Variants in ZBTB49 observed in about 807,000 individuals in gnomAD.
The protein encoded by ZBTB49 is zinc finger and BTB domain containing 49, also known as zinc finger and BTB domain-containing protein 49.
A neutral mutation model predicts 57.5 loss-of-function variants in ZBTB49; 43 were observed. The ratio of observed to expected loss-of-function variants is 0.75; its 90% CI spans 0.59 to 0.97. ZBTB49 has a LOEUF of 0.97. Ranked by LOEUF, ZBTB49 falls within the 50% of genes least tolerant of loss-of-function variation. The pLI is 0.00. For synonymous variants in ZBTB49, 369 were observed against 362.1 expected, an observed-to-expected ratio of 1.02 and a Z score of -0.22; for missense variants, 938 against 947.7, an observed-to-expected ratio of 0.99 and a Z score of 0.13.
chr4:4,315,520 C>A, intron 5 of ZBTB49, 116 bp from the exon 6 acceptor site: 1 of 982,760 alleles, frequency 1.0e-6, no homozygotes, highest in South Asian at 1.6e-5. Flanking sequence ...GTCCAGTTCA[C>A]GTTCCTTTCT....
At chr4:4,291,522 C>A (rs1226818672) in intron 1 of ZBTB49, among the ~76,000 whole-genome samples, 2 of 152,170 alleles carry the variant, frequency 1.3e-5, no homozygotes, top group East Asian at 3.9e-4. Context: ...AGAAGGAATT[C>A]ACAGAAATGG....
chr4:4,312,703 G>A (rs1721024525), intron 4 of ZBTB49, among the ~76,000 whole-genome samples: 1 of 152,156 alleles, frequency 6.6e-6, no homozygotes, highest in Non-Finnish European at 1.5e-5. Flanking sequence ...AATACATCAA[G>A]GCCTATTTAA....
chr4:4,321,272 C>G lies in ZBTB49; in HGVS notation c.2254C>G (p.Leu752Val), dbSNP rs1045188854. ...QFFSSMTLWG[L>V]AMKTLQNENE... is the part of the protein sequence containing the mutation. Reference sequence around the variant, plus strand: ...TTTCTCCAGCATGACTCTCTGGGGGCTAGCGATGAAGACGCTGCAGAATGA... The same window carrying G: ...TTTCTCCAGCATGACTCTCTGGGGGGTAGCGATGAAGACGCTGCAGAATGA... Residue 752 changes from leucine (L) to valine (V), a missense_variant, in exon 8 of 8, where the codon CTA becomes GTA. Physicochemically the swap from Leu to Val is conservative, Grantham distance 32. Around this residue, in one of 3 missense-constraint regions of ZBTB49, gnomAD observed 835 missense variants for 819.1 expected, o/e 1.02. Transcript: ENST00000337872. 6.2e-7 allele frequency: 1 copy of G among 1,613,670 alleles called. No individual in the cohort carries two copies. The highest frequency in any genetic ancestry group is 8.5e-7 in the Non-Finnish European group (1 of 1,180,046).
At chr4:4,318,413 T>C (rs1192085257) in intron 7 of ZBTB49, among the ~76,000 whole-genome samples, 1 of 152,128 alleles carries the variant, frequency 6.6e-6, no homozygotes, top group Non-Finnish European at 1.5e-5. Flanking sequence ...GTCAGGAGTT[T>C]GAGACCAGCC....
rs757312029 is a variant in ZBTB49 at position 4,301,995 on chromosome 4, C to G, written c.159C>G (p.Leu53=). ...LAAFSQYFRS[L]FQNSSSQKND... ...ATATTCTTTCTTTTACCAGGAGCCT[C>G]TTTCAGAATTCTTCAAGCCAGAAGA... The change falls in exon 3 of 8, where the codon CTC becomes CTG. Residue 53 remains leucine (L), a synonymous_variant. Coordinates refer to ENST00000337872, the MANE Select transcript of ZBTB49 (RefSeq NM_145291.4). The G allele has an allele frequency of 2.0e-6, 3 of 1,527,696 alleles. No homozygotes were observed. Among genetic ancestry groups the G allele is most frequent in the Non-Finnish European group, 1.8e-6 (2 of 1,137,584 alleles). The allele number at this position is 1,527,696 out of a possible 1,614,324, so 94.6% of individuals were successfully genotyped here. A position where few individuals can be genotyped will look rare whatever the true frequency, so the allele number is the denominator to read the frequency against.
chr4:4,317,016 A>G (rs1195918038), intron 7 of ZBTB49, among the ~76,000 whole-genome samples: 1 of 152,330 alleles, frequency 6.6e-6, no homozygotes, highest in Non-Finnish European at 1.5e-5. Flanking sequence ...GGTGACAGCG[A>G]GAGCTTCATC....
At chr4:4,298,838 G>T (rs1193392278) in intron 1 of ZBTB49, among the ~76,000 whole-genome samples, 1 of 152,138 alleles carries the variant, frequency 6.6e-6, no homozygotes, top group African/African-American at 2.4e-5. Context: ...ATCCAAGACC[G>T]TGGCTTACTG....
chr4:4,315,767 G>C, intron 6 of ZBTB49, 42 bp from the exon 7 acceptor site: 1 of 1,613,846 alleles, frequency 6.2e-7, no homozygotes, highest in Non-Finnish European at 8.5e-7. Context: ...TGATTAAAAT[G>C]TTCTCTGTCC....
chr4:4,297,903 G>T (rs1720289614), intron 1 of ZBTB49, among the ~76,000 whole-genome samples: 1 of 152,184 alleles, frequency 6.6e-6, no homozygotes, highest in Non-Finnish European at 1.5e-5. Context: ...AGAGGAGAGC[G>T]CAGGCAGAGA....
At position 4,302,774 on chromosome 4, in the gene ZBTB49, A is replaced by G. The variant is rs569334214; in HGVS notation, c.938A>G (p.Asn313Ser). 4.3e-6 allele frequency: 7 copies of G among 1,614,150 alleles called. No homozygotes were observed. The East Asian group carries it at 8.9e-5, about 21-fold the overall frequency. The change falls in exon 3 of 8, where the codon AAT (asparagine) becomes AGT (serine). Residue 313 changes from asparagine to serine, a missense_variant. Physicochemically the swap from Asn to Ser is conservative, Grantham distance 46. Around this residue, in one of 3 missense-constraint regions of ZBTB49, gnomAD observed 835 missense variants for 819.1 expected, o/e 1.02. Coordinates refer to ENST00000337872, the MANE Select transcript of ZBTB49 (RefSeq NM_145291.4). Reference sequence around the variant, plus strand: ...AAGGCCATTCATCTGAAGAAGCTCAATTTCCTGAAGTCACAGAAATACGCA... The same window carrying G: ...AAGGCCATTCATCTGAAGAAGCTCAGTTTCCTGAAGTCACAGAAATACGCA... The part of the protein sequence containing the change: ...LKKAIHLKKL[N>S]FLKSQKYAEQ...
Position 4,302,838 on chromosome 4 carries a change from A to G in ZBTB49, c.1002A>G (p.Thr334=), listed in dbSNP as rs1239845856. 6 of 1,613,812 alleles carry G rather than the reference A, an allele frequency of 3.7e-6. No individual in the cohort carries two copies. In the East Asian group the frequency reaches 1.1e-4, roughly 30 times the overall value. The part of the protein sequence containing the change: ...VSEPKSDDGL[T]KRLESASKNT... Reference sequence around the variant, plus strand: ...AACCCAAGTCAGATGATGGTTTGACAAAGAGGTTGGAATCTGCTAGTAAAA... The same window carrying G: ...AACCCAAGTCAGATGATGGTTTGACGAAGAGGTTGGAATCTGCTAGTAAAA... Residue 334 remains threonine, a synonymous_variant, in exon 3 of 8, where the codon ACA becomes ACG. Transcript: ENST00000337872.
chr4:4,306,125 T>A lies in ZBTB49; in HGVS notation c.1256-13T>A, dbSNP rs1445223993. ...GTAATGATTTTACAAGTTGTTGTTT[T>A]GTTTTGTTTTAGGTGAGAAACCTTT... On this transcript the variant is annotated splice_polypyrimidine_tract_variant and intron_variant, in intron 3 of 7. Coordinates refer to ENST00000337872, the MANE Select transcript of ZBTB49 (RefSeq NM_145291.4). 1 of 1,610,636 alleles carries A rather than the reference T, an allele frequency of 6.2e-7. No homozygotes were observed. The highest frequency in any genetic ancestry group is 8.5e-7 in the Non-Finnish European group (1 of 1,178,824).
intron 1 of ZBTB49, among the ~76,000 whole-genome samples, chr4:4,294,620 G>T (rs1159521090): frequency 6.6e-6 from 1 of 152,150 alleles, no homozygotes; most frequent in Non-Finnish European, 1.5e-5. Context: ...CTCCCAAAGT[G>T]GTAGAATTAC....
chr4:4,305,629 G>A (rs764004638), intron 3 of ZBTB49, among the ~76,000 whole-genome samples: 1 of 152,184 alleles, frequency 6.6e-6, no homozygotes, highest in South Asian at 2.1e-4. Flanking sequence ...ACTTTCTCTC[G>A]TGAGAACCAA....
rs199879970 is a variant in ZBTB49, at chr4:4,320,990, A to G, written c.1972A>G (p.Met658Val). The G allele has an allele frequency of 5.7e-5, 92 of 1,614,098 alleles. No individual in the cohort carries two copies. The highest frequency in any genetic ancestry group is 6.9e-5 in the Non-Finnish European group (81 of 1,180,038). The stretch of plus-strand genomic sequence containing the variant: ...CGGCTCCTATTGTAAGTTACGGTCC[A>G]TGATCCAACCTCATGGAGTTAGTGA... ...SGGSYCKLRSMIQPHGVSDQE... is the reference protein window; with the variant it reads ...SGGSYCKLRSVIQPHGVSDQE... Residue 658 changes from methionine to valine, a missense_variant, in exon 8 of 8, where the codon ATG (methionine) becomes GTG (valine). Transcript: ENST00000337872.
At chr4:4,308,400 C>A (rs796724005) in intron 4 of ZBTB49, among the ~76,000 whole-genome samples, 5 of 152,250 alleles carry the variant, frequency 3.3e-5, no homozygotes, top group African/African-American at 1.2e-4. Context: ...TTTAAAAATT[C>A]AGCAATTTTG....
chr4:4,319,546 C>T (rs897810303), intron 7 of ZBTB49, among the ~76,000 whole-genome samples: 8 of 152,192 alleles, frequency 5.3e-5, no homozygotes, highest in East Asian at 1.9e-4. Context: ...CAGGGCCAGG[C>T]GCCATGGCTC....
chr4:4,296,449 A>T, intron 1 of ZBTB49, among the ~76,000 whole-genome samples: 1 of 152,196 alleles, frequency 6.6e-6, no homozygotes, highest in East Asian at 1.9e-4. Flanking sequence ...ATGAGATCTG[A>T]TAGTTTTAAA....
intron 1 of ZBTB49, among the ~76,000 whole-genome samples, chr4:4,293,449 G>C (rs2108864987): frequency 6.6e-6 from 1 of 152,330 alleles, no homozygotes; most frequent in South Asian, 2.1e-4. Flanking sequence ...TATGAATGCG[G>C]CTTTGGTGTC....
Sources: allele counts gnomAD v4.1 joint callset (sites outside exome capture counted in the v4.1 genomes callset), GRCh38; gene constraint gnomAD v4.1.1; regional missense constraint gnomAD v4.1.1; transcripts MANE v1.5; gene names NCBI Gene and HGNC (gene_info 2026-07-23, HGNC 2026-07-21).